The following ARHGAP35 variants were observed in gnomAD, a reference collection of about 807,000 sequenced individuals.
ARHGAP35 encodes the protein Rho GTPase activating protein 35.
A neutral mutation model predicts 111.1 loss-of-function variants in ARHGAP35; 15 were observed. The ratio of observed to expected loss-of-function variants is 0.13; its 90% confidence interval spans 0.09 to 0.21. ARHGAP35 has a LOEUF of 0.21. Among genes scored for constraint, ARHGAP35 ranks in the 10% least tolerant of loss-of-function variants. The pLI is 1.00. For missense variants in ARHGAP35, 1,262 were observed against 1,873.0 expected (o/e 0.67, Z 6.02); for synonymous variants, 643 against 710.3 (o/e 0.91, Z 1.51).
chr19:46,924,231 A>T (rs773370989), intron 2 of ARHGAP35, among the ~76,000 whole-genome samples: 2 of 152,192 alleles, frequency 1.3e-5, no homozygotes, highest in Non-Finnish European at 2.9e-5. Context: ...GGCTGTCTTG[A>T]GAGCTGACAA....
rs145534311 is a variant in ARHGAP35, at chr19:46,981,408, TAAGC to T, written c.3827-6577_3827-6574del. Among the ~76,000 whole-genome samples, 569 of 152,254 alleles carry T rather than the reference TAAGC, an allele frequency of 3.7e-3. 1 individual carries two copies. Among genetic ancestry groups the T allele is most frequent in the African/African-American group, 0.013 (542 of 41,534 alleles). On this transcript the variant is annotated intron_variant, in intron 3 of 6. Transcript: ENST00000672722. ...ATATCTAAATATAGAAAGTAAAAAATAAGCAAGTCTGAGTTCGTCTTGGAGGAAG... is the reference window on the plus strand; with the variant it reads ...ATATCTAAATATAGAAAGTAAAAAATAAGTCTGAGTTCGTCTTGGAGGAAG...
intron 3 of ARHGAP35, among the ~76,000 whole-genome samples, chr19:46,961,946 AAGAAAGAAAAAGAG>A (rs2056485306): frequency 6.6e-6 from 1 of 151,914 alleles, no homozygotes; most frequent in African/African-American, 2.4e-5. Context: ...GAGAGAGAGA[AAGAAAGAAAAAGAG>A]AGAAAGAGAA....
At position 46,904,251 on chromosome 19, in the gene ARHGAP35, G is replaced by T. The variant is rs571835971; in HGVS notation, c.-188-14237G>T. ...TCCGCATCTGTGACGTGAGGGAGCT[G>T]GCTGCCAGCATTCCCAGCTTGGCCT... On this transcript the variant is annotated intron_variant, in intron 1 of 6. Transcript: ENST00000672722. 2.6e-5 allele frequency among the ~76,000 whole-genome samples: 4 copies of T among 152,308 alleles called. No homozygotes were observed. In the South Asian group the frequency reaches 8.3e-4, roughly 32 times the overall value.
intron 1 of ARHGAP35, among the ~76,000 whole-genome samples, chr19:46,874,501 CTT>C (rs758783354): frequency 7.0e-5 from 8 of 114,440 alleles, no homozygotes; most frequent in Admixed American, 3.0e-4. Context: ...TATGTTTTGT[CTT>C]TTTTTTTTTT....
At chr19:46,975,915 A>G (rs1305711888) in intron 3 of ARHGAP35, among the ~76,000 whole-genome samples, 1 of 152,154 alleles carries the variant, frequency 6.6e-6, no homozygotes, top group Non-Finnish European at 1.5e-5. Flanking sequence ...GATCTATGTA[A>G]TTCTGTCTTT....
intron 1 of ARHGAP35, among the ~76,000 whole-genome samples, chr19:46,889,400 A>G (rs1341390617): frequency 6.6e-6 from 1 of 152,170 alleles, no homozygotes; most frequent in African/African-American, 2.4e-5. Flanking sequence ...TGGAGGTTGC[A>G]GTGAGCTAAG....
rs561684531 is a variant in ARHGAP35 at position 46,976,619 on chromosome 19, G to A, written c.3827-11370G>A. Among the ~76,000 whole-genome samples, 296 of 152,378 alleles carry A rather than the reference G, an allele frequency of 1.9e-3. 1 individual carries two copies. Among genetic ancestry groups the A allele is most frequent in the African/African-American group, 6.9e-3 (289 of 41,594 alleles). ...CTGCACTCGCCTTCTCCATGGTGGG[G>A]AGCTCGGGCAGACAGGTTGCTCTGG... On this transcript the variant is annotated intron_variant, in intron 3 of 6. Transcript: ENST00000672722.
Position 46,918,028 on chromosome 19 carries a change from TG to T in ARHGAP35, c.-188-459del, listed in dbSNP as rs1194092974. Among the ~76,000 whole-genome samples, 2 of 152,184 alleles carry T rather than the reference TG, an allele frequency of 1.3e-5. No individual in the cohort carries two copies. Among genetic ancestry groups the T allele is most frequent in the African/African-American group, 4.8e-5 (2 of 41,438 alleles). On this transcript the variant is annotated intron_variant, in intron 1 of 6. Coordinates refer to ENST00000672722, the MANE Select transcript of ARHGAP35 (RefSeq NM_004491.5). The surrounding 1 kb of genome is among the most constrained non-coding windows in gnomAD (Gnocchi z 5.4). The stretch of plus-strand genomic sequence containing the variant: ...CACGCCCGGCCCAGGTTCCTGTTTT[TG>T]CAGTGGGTTTATAATTCATTACCAT...
rs529034024 is a variant in ARHGAP35, at chr19:46,909,573, T to G, written c.-188-8915T>G. Among the ~76,000 whole-genome samples the G allele has an allele frequency of 2.0e-5, 3 of 152,270 alleles. No individual in the cohort carries two copies. The East Asian group carries it at 5.8e-4, about 29-fold the overall frequency. ...CAGATGACCCATTTCAGAGACTGCC[T>G]GTACCCAGAGCCCTAGGGACATAGT... is the stretch of plus-strand genomic sequence containing the variant. On this transcript the variant is annotated intron_variant, in intron 1 of 6. Coordinates refer to ENST00000672722, the MANE Select transcript of ARHGAP35 (RefSeq NM_004491.5).
chr19:46,995,242 C>T (rs758242415), intron 5 of ARHGAP35, among the ~76,000 whole-genome samples: 1 of 152,176 alleles, frequency 6.6e-6, no homozygotes, highest in Non-Finnish European at 1.5e-5. Flanking sequence ...CGGTGAAACC[C>T]CGTCTCTACT....
At chr19:46,912,147 G>A (rs541358887) in intron 1 of ARHGAP35, among the ~76,000 whole-genome samples, 105 of 149,728 alleles carry the variant, frequency 7.0e-4, no homozygotes, top group African/African-American at 2.1e-3. Flanking sequence ...GGGTTCTAGC[G>A]ATTCTCCTGT....
intron 1 of ARHGAP35, among the ~76,000 whole-genome samples, chr19:46,916,374 G>A (rs1004205279): frequency 1.5e-5 from 2 of 136,286 alleles, no homozygotes; most frequent in Non-Finnish European, 3.1e-5. Flanking sequence ...GGAAGGGTCT[G>A]TGCACACTCT....
chr19:46,942,692 G>A (rs1351947116), intron 3 of ARHGAP35, among the ~76,000 whole-genome samples: 4 of 151,488 alleles, frequency 2.6e-5, no homozygotes, highest in Admixed American at 6.6e-5. Flanking sequence ...GTGTGCACCT[G>A]TGATCCCAGC....
intron 1 of ARHGAP35, among the ~76,000 whole-genome samples, chr19:46,895,187 G>A (rs373240038): frequency 7.4e-5 from 11 of 147,710 alleles, no homozygotes; most frequent in East Asian, 2.0e-4. Flanking sequence ...TTTTTGAGAC[G>A]GAGTCTCGCT....
In ARHGAP35 at chr19:46,989,890, G is replaced by C. The variant is rs1482365126; in HGVS notation, c.4036+215G>C. ...CTTATCTGAGGGTTACACCAAGAGA[G>C]TTGCAGGTTTCCCCCAAACTCTCAT... is the stretch of plus-strand genomic sequence containing the variant. On this transcript the variant is annotated intron_variant, in intron 5 of 6. Transcript: ENST00000672722. The surrounding 1 kb of genome is among the most constrained non-coding windows in gnomAD (Gnocchi z 5.3). Among the ~76,000 whole-genome samples, 3 of 152,204 alleles carry C rather than the reference G, an allele frequency of 2.0e-5. No homozygotes were observed. The highest frequency in any genetic ancestry group is 7.2e-5 in the African/African-American group (3 of 41,446).
Position 46,892,052 on chromosome 19 carries a change from C to T in ARHGAP35, c.-188-26436C>T, listed in dbSNP as rs2056026617. Among the ~76,000 whole-genome samples, 13 of 144,710 alleles carry T rather than the reference C, an allele frequency of 9.0e-5. No individual in the cohort carries two copies. The Admixed American group carries it at 9.3e-4, about 10-fold the overall frequency. 94.9% of individuals were successfully genotyped at this position (144,710 alleles called of 152,430 possible). On this transcript the variant is annotated intron_variant, in intron 1 of 6. Coordinates refer to ENST00000672722, the MANE Select transcript of ARHGAP35 (RefSeq NM_004491.5). The stretch of plus-strand genomic sequence containing the variant: ...CCGTAATCCCAGCACTTTGGAAGGC[C>T]GAGGCAGGCAGATCACTGAGGTCAG...
rs1472987492 is a variant in ARHGAP35, at chr19:46,986,127, A to G, written c.3827-1862A>G. ...CAAAGCCAGTCTTCAGAAGGGACCC[A>G]GGGTTGCTTTAGCCATGAGACCCCA... On this transcript the variant is annotated intron_variant, in intron 3 of 6. Transcript: ENST00000672722. The surrounding 1 kb of genome is among the most constrained non-coding windows in gnomAD (Gnocchi z 4.3). 6.6e-6 allele frequency among the ~76,000 whole-genome samples: 1 copy of G among 152,172 alleles called. No homozygotes were observed. The highest frequency in any genetic ancestry group is 1.9e-4 in the East Asian group (1 of 5,198).
At chr19:46,890,340 A>G (rs1029553004) in intron 1 of ARHGAP35, among the ~76,000 whole-genome samples, 2 of 152,262 alleles carry the variant, frequency 1.3e-5, no homozygotes, top group Admixed American at 6.5e-5. Flanking sequence ...ATGTCTTTCT[A>G]TTTGAAATAA....
At chr19:46,877,769 C>G (rs796688953) in intron 1 of ARHGAP35, among the ~76,000 whole-genome samples, 4 of 151,758 alleles carry the variant, frequency 2.6e-5, no homozygotes, top group African/African-American at 9.7e-5. Flanking sequence ...TTCAGTAGTG[C>G]CATCTCAGCT....
Sources: allele counts gnomAD v4.1 joint callset (sites outside exome capture counted in the v4.1 genomes callset), GRCh38; gene constraint gnomAD v4.1.1; non-coding constraint Gnocchi (gnomAD v3.1); transcripts MANE v1.5; gene names NCBI Gene and HGNC (gene_info 2026-07-23, HGNC 2026-07-21).